The following CCDC7 variants were observed in gnomAD, a reference collection of about 807,000 sequenced individuals.
CCDC7 encodes the protein coiled-coil domain containing 7.
A neutral mutation model predicts 196.9 loss-of-function variants in CCDC7; 183 were observed. The observed-to-expected ratio is 0.93, with a 90% CI of 0.82 to 1.05. The LOEUF is 1.05. Among genes scored for constraint, CCDC7 ranks in the 50% least tolerant of loss-of-function variants. CCDC7 has a pLI of 0.00. For synonymous variants in CCDC7, 525 were observed against 484.6 expected (o/e 1.08, Z -1.10); for missense variants, 1,540 against 1,482.2 (o/e 1.04, Z -0.64).
chr10:32,659,775 T>C (rs577617979), intron 20 of CCDC7, among the ~76,000 whole-genome samples: 9 of 152,272 alleles, frequency 5.9e-5, no homozygotes, highest in African/African-American at 2.2e-4. Context: ...AACCATGAGA[T>C]GCCGTCTCAC....
chr10:32,856,563 C>T (rs1398436696), intron 41 of CCDC7, among the ~76,000 whole-genome samples: 1 of 152,134 alleles, frequency 6.6e-6, no homozygotes, highest in African/African-American at 2.4e-5. Context: ...GCTGCACACC[C>T]CCCAGGGCCA....
intron 29 of CCDC7, among the ~76,000 whole-genome samples, chr10:32,798,453 C>G (rs192512551): frequency 6.8e-4 from 103 of 152,294 alleles, no homozygotes; most frequent in African/African-American, 2.2e-3. Flanking sequence ...GAGTGGTGTC[C>G]ACAGAACGGG....
At chr10:32,730,118 C>T (rs147277624) in intron 28 of CCDC7, among the ~76,000 whole-genome samples, 370 of 152,210 alleles carry the variant, frequency 2.4e-3, no homozygotes, top group Middle Eastern at 3.4e-3. Flanking sequence ...GCCCAGCACC[C>T]ATTAGCTGTT....
At chr10:32,803,870 T>C (rs11009088) in intron 29 of CCDC7, among the ~76,000 whole-genome samples, 1 of 152,078 alleles carries the variant, frequency 6.6e-6, no homozygotes, top group African/African-American at 2.4e-5. Flanking sequence ...TGTGTCCCTC[T>C]TCCAGTATGT....
intron 1 of CCDC7, 139 bp downstream of exon 2, chr10:32,452,060 A>T: frequency 8.0e-7 from 1 of 1,247,850 alleles, no homozygotes; most frequent in Non-Finnish European, 1.0e-6. Flanking sequence ...ATGAGGTGAA[A>T]TTAGGAGAAA....
intron 13 of CCDC7, among the ~76,000 whole-genome samples, chr10:32,559,596 C>A (rs2055051279): frequency 6.6e-6 from 1 of 152,206 alleles, no homozygotes; most frequent in Admixed American, 6.5e-5. Flanking sequence ...CTCCAACAGA[C>A]CTGCAGCTGA....
At position 32,561,609 on chromosome 10, in the gene CCDC7, A is replaced by G. The variant is rs536363051; in HGVS notation, c.1135-3949A>G. 5.4e-4 allele frequency among the ~76,000 whole-genome samples: 83 copies of G among 152,350 alleles called. 1 individual carries two copies. In the South Asian group the frequency reaches 9.5e-3, roughly 17 times the overall value. ...GATGTTCTTTGAAACCAATGAGAAC[A>G]AAGACACAACATACCAGAATCTCTG... On this transcript the variant is annotated intron_variant, in intron 13 of 41. Transcript: ENST00000639629.
At chr10:32,633,951 AT>A (rs1382888046) in intron 18 of CCDC7, among the ~76,000 whole-genome samples, 1 of 151,380 alleles carries the variant, frequency 6.6e-6, no homozygotes, top group African/African-American at 2.4e-5. Flanking sequence ...CTATTTCAAT[AT>A]TTTTCTTCAT....
chr10:32,511,761 C>T, intron 9 of CCDC7: 1 of 1,500,436 alleles, frequency 6.7e-7, no homozygotes. Flanking sequence ...TCACGGCCTT[C>T]GACTCCAGCC....
intron 31 of CCDC7, among the ~76,000 whole-genome samples, chr10:32,820,202 C>G (rs1185054722): frequency 6.6e-6 from 1 of 152,244 alleles, no homozygotes; most frequent in South Asian, 2.1e-4. Context: ...TGAGTGAACT[C>G]CCATTCACAA....
intron 13 of CCDC7, among the ~76,000 whole-genome samples, chr10:32,557,743 G>T (rs2054603993): frequency 6.6e-6 from 1 of 151,952 alleles, no homozygotes; most frequent in Non-Finnish European, 1.5e-5. Context: ...CCAGGCTGGA[G>T]TACAGTGGCA....
At chr10:32,691,903 G>T (rs115162764) in intron 23 of CCDC7, among the ~76,000 whole-genome samples, 3 of 152,282 alleles carry the variant, frequency 2.0e-5, no homozygotes, top group Non-Finnish European at 2.9e-5. Context: ...GAAGGAGAGG[G>T]TTTCAGATGT....
chr10:32,667,468 G>C (rs1033563841), intron 21 of CCDC7, among the ~76,000 whole-genome samples: 1 of 152,112 alleles, frequency 6.6e-6, no homozygotes. Flanking sequence ...GAATGGTATC[G>C]CCTAGATTTT....
chr10:32,609,471 A>G (rs924390893), intron 18 of CCDC7, among the ~76,000 whole-genome samples: 4 of 152,114 alleles, frequency 2.6e-5, no homozygotes, highest in African/African-American at 9.7e-5. Flanking sequence ...TTTAAATTCT[A>G]TCCTTTTACT....
At chr10:32,579,929 A>T (rs1196054332) in intron 16 of CCDC7, among the ~76,000 whole-genome samples, 3 of 152,030 alleles carry the variant, frequency 2.0e-5, no homozygotes, top group Non-Finnish European at 4.4e-5. Context: ...TGTAACATAC[A>T]CGAGTCACAT....
At chr10:32,491,756 A>G (rs749060442) in intron 8 of CCDC7, among the ~76,000 whole-genome samples, 166 bp from the exon 10 acceptor site, 2 of 152,154 alleles carry the variant, frequency 1.3e-5, no homozygotes, top group Non-Finnish European at 2.9e-5. Flanking sequence ...GTTTAATAAA[A>G]TGGTAGCTAT....
intron 41 of CCDC7, among the ~76,000 whole-genome samples, chr10:32,861,115 CAAA>C (rs142801821): frequency 2.1e-5 from 2 of 97,128 alleles, no homozygotes; most frequent in Non-Finnish European, 3.9e-5. Context: ...CAATCATAAG[CAAA>C]AAAAAAAAAA....
At chr10:32,736,166 G>T (rs967704907) in intron 28 of CCDC7, among the ~76,000 whole-genome samples, 1 of 152,020 alleles carries the variant, frequency 6.6e-6, no homozygotes, top group African/African-American at 2.4e-5. Flanking sequence ...ATTCAAATTA[G>T]AATCAGTTTG....
chr10:32,552,103 A>G (rs1411857240), intron 13 of CCDC7, among the ~76,000 whole-genome samples: 1 of 152,198 alleles, frequency 6.6e-6, no homozygotes, highest in Admixed American at 6.5e-5. Flanking sequence ...ATAAATGTTT[A>G]GGATTGTGAT....
Sources: gnomAD v4.1 joint callset for allele counts (sites outside exome capture counted in the v4.1 genomes callset) on GRCh38, gnomAD v4.1.1 for gene constraint, MANE v1.5 for transcripts, NCBI Gene and HGNC (gene_info 2026-07-23, HGNC 2026-07-21) for gene names.